Variants in RBFOX1 observed in about 807,000 individuals in gnomAD.
RBFOX1 encodes RNA binding protein fox-1 homolog 1.
In RBFOX1, 8 loss-of-function variants were observed where a neutral mutation model predicts 57.7. The observed-to-expected ratio is 0.14, with a 90% CI of 0.08 to 0.25. RBFOX1 has a LOEUF of 0.25. Among genes scored for constraint, RBFOX1 ranks in the 10% least tolerant of loss-of-function variants. The pLI is 1.00. For synonymous variants in RBFOX1, 326 were observed against 222.4 expected (o/e 1.47, Z -4.15); for missense variants, 611 against 548.5 (o/e 1.11, Z -1.14).
intron 3 of RBFOX1, among the ~76,000 whole-genome samples, chr16:6,661,473 C>G (rs1352033232): frequency 6.6e-6 from 1 of 152,138 alleles, no homozygotes; most frequent in Non-Finnish European, 1.5e-5. Flanking sequence ...GTTTATCAGG[C>G]CAATGCATTA....
chr16:7,591,015 G>A (rs2094417874), intron 7 of RBFOX1, among the ~76,000 whole-genome samples: 1 of 152,154 alleles, frequency 6.6e-6, no homozygotes, highest in African/African-American at 2.4e-5. Flanking sequence ...AGATGGACTA[G>A]GAAGATGAGT....
chr16:7,690,014 G>A (rs961551254), intron 14 of RBFOX1, among the ~76,000 whole-genome samples: 1 of 152,118 alleles, frequency 6.6e-6, no homozygotes, highest in Admixed American at 6.6e-5. Context: ...AGAAACCAAA[G>A]TTGGAAGAGA....
At chr16:6,501,297 C>CA (rs1233429563) in intron 2 of RBFOX1, among the ~76,000 whole-genome samples, 1 of 122,402 alleles carries the variant, frequency 8.2e-6, no homozygotes, top group Non-Finnish European at 1.7e-5. Context: ...CCCCTCCCCC[C>CA]ACCCCACAAC....
At chr16:6,017,936 G>A (rs910928976), upstream of RBFOX1, among the ~76,000 whole-genome samples, 1 of 152,148 alleles carries the variant, frequency 6.6e-6, no homozygotes, top group Non-Finnish European at 1.5e-5. Context: ...ATGGGAAAAT[G>A]AACAGGCGCC....
chr16:5,933,854 G>A (rs1189054488), intron 4 of RBFOX1, among the ~76,000 whole-genome samples: 1 of 151,602 alleles, frequency 6.6e-6, no homozygotes, highest in Non-Finnish European at 1.5e-5. Flanking sequence ...AGGTAAACTC[G>A]AGTGATGGGG....
intron 2 of RBFOX1, among the ~76,000 whole-genome samples, chr16:6,317,857 A>G (rs1224931615): frequency 1.3e-5 from 2 of 152,186 alleles, no homozygotes; most frequent in African/African-American, 4.8e-5. Flanking sequence ...AAATTTTAAA[A>G]GGCTAGCTGA....
intron 4 of RBFOX1, among the ~76,000 whole-genome samples, chr16:7,130,709 G>A (rs911352464): frequency 1.3e-5 from 2 of 152,282 alleles, no homozygotes; most frequent in East Asian, 1.9e-4. Flanking sequence ...ATAAATAATA[G>A]GAAGTGTTCT....
At chr16:7,016,985 C>A (rs2093947684) in intron 3 of RBFOX1, among the ~76,000 whole-genome samples, 1 of 152,170 alleles carries the variant, frequency 6.6e-6, no homozygotes, top group African/African-American at 2.4e-5. Context: ...CCATTATTTT[C>A]ATTTCCTGGT....
At chr16:5,483,344 C>T (rs1156251980) in intron 2 of RBFOX1, among the ~76,000 whole-genome samples, 1 of 152,194 alleles carries the variant, frequency 6.6e-6, no homozygotes, top group Non-Finnish European at 1.5e-5. Context: ...CACTTGGTCT[C>T]GGCCTGTCTG....
intron 2 of RBFOX1, among the ~76,000 whole-genome samples, chr16:6,620,901 A>G (rs1416411471): frequency 6.6e-6 from 1 of 152,242 alleles, no homozygotes; most frequent in Non-Finnish European, 1.5e-5. Flanking sequence ...GCCTTAACAA[A>G]TTACCACAAA....
Position 6,019,890 on chromosome 16 carries a change from C to T in RBFOX1, c.-229C>T. On this transcript the variant is annotated 5_prime_UTR_variant, in exon 1 of 16. Coordinates refer to ENST00000550418, the MANE Select transcript of RBFOX1 (RefSeq NM_018723.4). This position sits in a 1 kb window ranked among gnomAD's most constrained non-coding sequence, Gnocchi z 4.2. ...AGAAACCAGCACCCCCTTCCGCCGCCTCCAGCTTATGGTGAGTGTGGCTGG... is the reference window on the plus strand; with the variant it reads ...AGAAACCAGCACCCCCTTCCGCCGCTTCCAGCTTATGGTGAGTGTGGCTGG... 1 of 1,535,074 alleles carries T rather than the reference C, an allele frequency of 6.5e-7. No homozygotes were observed. Among genetic ancestry groups the T allele is most frequent in the Non-Finnish European group, 8.7e-7 (1 of 1,146,550 alleles).
rs543476251 is a variant in RBFOX1, at chr16:6,995,227, G to C, written c.-15-56830G>C. 8.0e-5 allele frequency among the ~76,000 whole-genome samples: 12 copies of C among 149,742 alleles called. No individual in the cohort carries two copies. In the East Asian group the frequency reaches 2.5e-3, roughly 31 times the overall value. The stretch of plus-strand genomic sequence containing the variant: ...GATGTAATGTGATCAATTAATTAGA[G>C]CATATGATTTACATTAGTCAAACCT... On this transcript the variant is annotated intron_variant, in intron 3 of 15. Transcript: ENST00000550418.
intron 2 of RBFOX1, among the ~76,000 whole-genome samples, chr16:6,471,408 C>T (rs1290578726): frequency 6.6e-6 from 1 of 152,082 alleles, no homozygotes; most frequent in Non-Finnish European, 1.5e-5. Flanking sequence ...TATTATAATA[C>T]TTGTTTGTTA....
intron 2 of RBFOX1, among the ~76,000 whole-genome samples, chr16:5,524,317 C>T (rs963932067): frequency 3.8e-4 from 58 of 152,262 alleles, no homozygotes; most frequent in African/African-American, 1.3e-3. Context: ...TCCCCATCCC[C>T]ATTCAACCTT....
chr16:6,124,505 C>A (rs2096574749), intron 1 of RBFOX1, among the ~76,000 whole-genome samples: 1 of 151,950 alleles, frequency 6.6e-6, no homozygotes, highest in African/African-American at 2.4e-5. Context: ...TTGCCTAACT[C>A]AATTTTTTCT....
intron 4 of RBFOX1, among the ~76,000 whole-genome samples, chr16:7,342,562 G>C (rs1228921122): frequency 1.3e-5 from 2 of 152,168 alleles, no homozygotes; most frequent in African/African-American, 4.8e-5. Flanking sequence ...GATAAATCGA[G>C]ATGCTCTAGG....
intron 5 of RBFOX1, among the ~76,000 whole-genome samples, chr16:7,534,025 G>A (rs913176077): frequency 4.0e-5 from 6 of 151,776 alleles, no homozygotes; most frequent in Admixed American, 2.0e-4. Flanking sequence ...GCACCAGGAA[G>A]TGATAGACAT....
intron 4 of RBFOX1, among the ~76,000 whole-genome samples, chr16:5,954,371 C>T (rs550283426): frequency 4.2e-4 from 64 of 151,666 alleles, no homozygotes; most frequent in African/African-American, 1.4e-3. Context: ...CAGGTGGTGC[C>T]GGGTCTCTTC....
chr16:6,795,361 A>C (rs1365599430), intron 3 of RBFOX1, among the ~76,000 whole-genome samples: 1 of 152,152 alleles, frequency 6.6e-6, no homozygotes, highest in Non-Finnish European at 1.5e-5. Flanking sequence ...ATTTCACCCG[A>C]GTCCACAACA....
Sources: allele counts gnomAD v4.1 joint callset (sites outside exome capture counted in the v4.1 genomes callset), GRCh38; gene constraint gnomAD v4.1.1; non-coding constraint Gnocchi (gnomAD v3.1); transcripts MANE v1.5; gene names NCBI Gene and HGNC (gene_info 2026-07-23, HGNC 2026-07-21).